Variants in TET3 observed in about 807,000 individuals in gnomAD.
The protein encoded by TET3 is methylcytosine dioxygenase TET3.
A neutral mutation model predicts 141.4 loss-of-function variants in TET3; 19 were observed. The ratio of observed to expected loss-of-function variants is 0.13; its 90% CI spans 0.09 to 0.20. The LOEUF is 0.20. Among genes scored for constraint, TET3 ranks in the 10% least tolerant of loss-of-function variants. TET3 has a pLI of 1.00. For synonymous variants in TET3, 1,043 were observed against 980.9 expected (o/e 1.06, Z -1.18); for missense variants, 1,874 against 2,356.9 (o/e 0.80, Z 4.24).
chr2:74,087,846 C>T lies in TET3; in HGVS notation c.2696C>T (p.Thr899Met), dbSNP rs1391774738. The stretch of plus-strand genomic sequence containing the variant: ...TCCCTGCAGGTGATCCGCAGGCACA[C>T]GCTGGAGGAGAAGCTACTCTGCCTG... ...PIAKWVIRRH[T>M]LEEKLLCLVR... The change falls in exon 7 of 12, where the codon ACG (threonine) becomes ATG (methionine). Residue 899 changes from threonine (T) to methionine (M), a missense_variant. Physicochemically the swap from Thr to Met is moderately conservative, Grantham distance 81. This residue lies in a region of TET3 where 126 missense variants were observed against 327.4 expected (regional missense o/e 0.38). Coordinates refer to ENST00000409262, the MANE Select transcript of TET3 (RefSeq NM_001287491.2). The surrounding 1 kb of genome is among the most constrained non-coding windows in gnomAD (Gnocchi z 4.3). 1.3e-6 allele frequency: 2 copies of T among 1,550,788 alleles called. No individual in the cohort carries two copies. The highest frequency in any genetic ancestry group is 1.4e-5 in the African/African-American group (1 of 73,128).
At chr2:74,020,989 A>G (rs796258209) in intron 3 of TET3, among the ~76,000 whole-genome samples, 3 of 152,198 alleles carry the variant, frequency 2.0e-5, no homozygotes, top group South Asian at 2.1e-4. Context: ...GGACATAGAA[A>G]TGCTTCTCTG....
intron 4 of TET3, among the ~76,000 whole-genome samples, chr2:74,051,869 A>G: frequency 6.6e-6 from 1 of 152,246 alleles, no homozygotes; most frequent in Admixed American, 6.5e-5. Context: ...GTCAGTTGGG[A>G]AACAAGTCCT....
chr2:74,065,560 T>G (rs1688835446), intron 4 of TET3, among the ~76,000 whole-genome samples: 1 of 151,448 alleles, frequency 6.6e-6, no homozygotes, highest in South Asian at 2.1e-4. Context: ...TTTTTGTTTT[T>G]TTTTTTTTTG....
chr2:74,014,715 A>G (rs1231004875), intron 3 of TET3, among the ~76,000 whole-genome samples: 1 of 151,340 alleles, frequency 6.6e-6, no homozygotes, highest in Non-Finnish European at 1.5e-5. Flanking sequence ...GCAGTGAGAG[A>G]AAAAAAACTG....
rs553351951 is a variant in TET3 at position 74,064,570 on chromosome 2, TTTTG to T, written c.2495-8971_2495-8968del. On this transcript the variant is annotated intron_variant, in intron 4 of 11. Transcript: ENST00000409262. ...GTGCGTGCCACCACGCCTGCCTAAT[TTTTG>T]TTTGTTTATTTGTTTTTTGGTAGAG... Among the ~76,000 whole-genome samples the T allele has an allele frequency of 3.2e-3, 487 of 152,160 alleles. 5 individuals are homozygous for T. The highest frequency in any genetic ancestry group is 1.0e-2 in the African/African-American group (413 of 41,506).
chr2:74,047,634 A>G lies in TET3; in HGVS notation c.1717A>G (p.Arg573Gly). 6.2e-7 allele frequency: 1 copy of G among 1,613,588 alleles called. No homozygotes were observed. The highest frequency in any genetic ancestry group is 2.2e-5 in the East Asian group (1 of 44,866). Residue 573 changes from arginine to glycine, a missense_variant, in exon 4 of 12, where the codon AGA (arginine) becomes GGA (glycine). Physicochemically the swap from Arg to Gly is moderately radical, Grantham distance 125. Transcript: ENST00000409262. Reference protein sequence around the residue: ...PSSPVPRLPDRPPKEKKKKLP... With the variant: ...PSSPVPRLPDGPPKEKKKKLP... ...TTCACCTGTCCCACGGCTTCCAGACAGACCACCCAAGGAGAAGAAGAAGAA... is the reference window on the plus strand; with the variant it reads ...TTCACCTGTCCCACGGCTTCCAGACGGACCACCCAAGGAGAAGAAGAAGAA...
At position 74,087,644 on chromosome 2, in the gene TET3, A is replaced by G. The variant is rs1690234553; in HGVS notation, c.2680-186A>G. ...CCTAACAAAACATTTGTTCCTAATA[A>G]TGTTCCCTATTTGTTCCCTAATAAT... On this transcript the variant is annotated intron_variant, in intron 6 of 11. Transcript: ENST00000409262. The surrounding 1 kb of genome is among the most constrained non-coding windows in gnomAD (Gnocchi z 4.3). 6.6e-6 allele frequency among the ~76,000 whole-genome samples: 1 copy of G among 152,146 alleles called. No homozygotes were observed. Among genetic ancestry groups the G allele is most frequent in the South Asian group, 2.1e-4 (1 of 4,824 alleles).
chr2:74,098,057 G>A (rs549547861), intron 10 of TET3, among the ~76,000 whole-genome samples: 1 of 152,272 alleles, frequency 6.6e-6, no homozygotes, highest in Admixed American at 6.5e-5. Flanking sequence ...TTTTAACAGT[G>A]AGCAAAAAGT....
At chr2:74,066,124 C>G (rs1688885472) in intron 4 of TET3, among the ~76,000 whole-genome samples, 1 of 152,136 alleles carries the variant, frequency 6.6e-6, no homozygotes, top group Non-Finnish European at 1.5e-5. Context: ...GTACTTACAG[C>G]TACTAGAATG....
chr2:74,016,441 C>T (rs1319081286), intron 3 of TET3, among the ~76,000 whole-genome samples: 1 of 152,086 alleles, frequency 6.6e-6, no homozygotes, highest in East Asian at 1.9e-4. Context: ...AAATGTAGGC[C>T]AGGCACAGTG....
intron 3 of TET3, among the ~76,000 whole-genome samples, chr2:74,045,159 G>T (rs150619618): frequency 2.0e-5 from 3 of 152,300 alleles, no homozygotes; most frequent in Admixed American, 6.5e-5. Flanking sequence ...TAAGTCATCC[G>T]CAATGTCTTA....
At position 74,107,618 on chromosome 2, in the gene TET3, G is replaced by C. The variant is rs576982444; in HGVS notation, c.*5442G>C. The C allele has an allele frequency of 6.6e-6, 1 of 152,078 alleles. No homozygotes were observed. Among genetic ancestry groups the C allele is most frequent in the East Asian group, 1.9e-4 (1 of 5,194 alleles). 9.4% of individuals were successfully genotyped at this position (152,078 alleles called of 1,614,324 possible). ...CCAATTAAAGAAACAAGGGCAGGTC[G>C]TATAATGGCATATTAATACATTAGA... On this transcript the variant is annotated 3_prime_UTR_variant, in exon 12 of 12. Transcript: ENST00000409262.
In TET3 at chr2:74,087,806, C is replaced by G. The variant is rs1211377379; in HGVS notation, c.2680-24C>G. 9 of 1,533,504 alleles carry G rather than the reference C, an allele frequency of 5.9e-6. No individual in the cohort carries two copies. Among genetic ancestry groups the G allele is most frequent in the Non-Finnish European group, 2.6e-6 (3 of 1,135,710 alleles). The allele number at this position is 1,533,504 out of a possible 1,614,324, so 95.0% of individuals were successfully genotyped here. ...AGGAGCACGGGTACCTGGCTCCTGC[C>G]CCTCACACCCTGCGTCCCTGCAGGT... On this transcript the variant is annotated intron_variant, in intron 6 of 11. Transcript: ENST00000409262. This position sits in a 1 kb window ranked among gnomAD's most constrained non-coding sequence, Gnocchi z 4.3.
At chr2:74,125,677 A>C in the TET3 span, among the ~76,000 whole-genome samples, 5 of 151,372 alleles carry the variant, frequency 3.3e-5, no homozygotes, top group Non-Finnish European at 7.4e-5. Context: ...TACCTGCCAT[A>C]AATTAAAGTA....
chr2:74,032,442 GGTGTGTCTCTGTGTGTGTGT>G (rs1368566143), intron 3 of TET3, among the ~76,000 whole-genome samples: 16 of 94,850 alleles, frequency 1.7e-4, no homozygotes, highest in African/African-American at 8.1e-4. Flanking sequence ...CTGCAAGAGG[GGTGTGTCTCTGTGTGTGTGT>G]GTGTGTGTGT....
At chr2:74,117,197 C>G in the TET3 span, among the ~76,000 whole-genome samples, 1 of 152,122 alleles carries the variant, frequency 6.6e-6, no homozygotes, top group South Asian at 2.1e-4. Context: ...CTGCCTCGGG[C>G]TCCCAAGTAG....
chr2:74,108,668 T>G (rs2104290630), downstream of TET3, among the ~76,000 whole-genome samples: 1 of 152,366 alleles, frequency 6.6e-6, no homozygotes, highest in South Asian at 2.1e-4. Context: ...CTACCTTCTT[T>G]AATTCAAATT....
chr2:74,065,611 C>T (rs1393026276), intron 4 of TET3, among the ~76,000 whole-genome samples: 1 of 137,750 alleles, frequency 7.3e-6, no homozygotes, highest in Non-Finnish European at 1.6e-5. Context: ...TCCGTCCGTC[C>T]GTCCGTCCGT....
the TET3 span, among the ~76,000 whole-genome samples, chr2:74,124,524 T>G: frequency 6.6e-6 from 1 of 152,240 alleles, no homozygotes; most frequent in African/African-American, 2.4e-5. Flanking sequence ...GAGATCAGAT[T>G]GTTACTGTGT....
Sources: allele counts gnomAD v4.1 joint callset (sites outside exome capture counted in the v4.1 genomes callset), GRCh38; gene constraint gnomAD v4.1.1; regional missense constraint gnomAD v4.1.1; non-coding constraint Gnocchi (gnomAD v3.1); transcripts MANE v1.5; gene names NCBI Gene and HGNC (gene_info 2026-07-23, HGNC 2026-07-21).